EIPR1: variants seen among roughly 807,000 people sequenced by gnomAD.
The protein encoded by EIPR1 is EARP complex and GARP complex interacting protein 1, also known as EARP and GARP complex-interacting protein 1.
A neutral mutation model predicts 48.1 loss-of-function variants in EIPR1; 25 were observed. The observed-to-expected ratio is 0.52, with a 90% CI of 0.38 to 0.73. The LOEUF (loss-of-function observed/expected upper bound fraction) is 0.73, where lower values mean the gene tolerates loss of function less well. EIPR1 is among the 30% of genes least tolerant of loss of function. The pLI is 0.00. For synonymous variants in EIPR1, 204 were observed against 201.9 expected (o/e 1.01, Z -0.09); for missense variants, 415 against 506.2 (o/e 0.82, Z 1.73).
chr2:3,314,106 T>C (rs565940350), intron 3 of EIPR1, among the ~76,000 whole-genome samples: 1 of 152,170 alleles, frequency 6.6e-6, no homozygotes, highest in Non-Finnish European at 1.5e-5. Flanking sequence ...CATATGTCAT[T>C]GGGGCGCCGC....
At chr2:3,351,261 G>A (rs10187852) in intron 2 of EIPR1, among the ~76,000 whole-genome samples, 113,360 of 151,880 alleles carry the variant, frequency 0.75, 42,554 homozygotes, top group African/African-American at 0.84. Flanking sequence ...TTGGCCTCCT[G>A]AAGTGCTGGG....
At chr2:3,366,274 C>T (rs1184265886) in intron 1 of EIPR1, among the ~76,000 whole-genome samples, 1 of 152,168 alleles carries the variant, frequency 6.6e-6, no homozygotes, top group Non-Finnish European at 1.5e-5. Context: ...TACCACTGCA[C>T]TCCAGCCTGG....
In EIPR1 at chr2:3,235,436, A is replaced by G. The variant is rs61419107; in HGVS notation, c.417-21188T>C. ...CATGCGGGTGCGCACACACACACAC[A>G]CACGCGTGCGCGCACACACACACAC... On this transcript the variant is annotated intron_variant, in intron 4 of 8. Transcript: ENST00000382125. Among the ~76,000 whole-genome samples the G allele has an allele frequency of 2.3e-3, 178 of 78,584 alleles. 1 individual carries two copies. The highest frequency in any genetic ancestry group is 4.0e-3 in the African/African-American group (100 of 24,810). The allele number at this position is 78,584 out of a possible 152,430, so 51.6% of individuals were successfully genotyped here. A position where few individuals can be genotyped will look rare whatever the true frequency, so the allele number is the denominator to read the frequency against.
At chr2:3,279,965 A>C (rs1369376594) in intron 3 of EIPR1, among the ~76,000 whole-genome samples, 9 of 152,236 alleles carry the variant, frequency 5.9e-5, no homozygotes, top group African/African-American at 2.2e-4. Context: ...GCAGTTTTGC[A>C]AGTAGCTTTT....
intron 2 of EIPR1, among the ~76,000 whole-genome samples, chr2:3,338,837 A>T (rs1286998575): frequency 2.0e-5 from 3 of 152,336 alleles, no homozygotes; most frequent in South Asian, 2.1e-4. Flanking sequence ...AATTAAAATG[A>T]TTTCACATTT....
intron 1 of EIPR1, among the ~76,000 whole-genome samples, chr2:3,365,936 G>A (rs1399998205): frequency 2.0e-5 from 3 of 150,954 alleles, no homozygotes; most frequent in Non-Finnish European, 3.0e-5. Flanking sequence ...CCCCCCGCCC[G>A]GCCAGCCGCC....
chr2:3,307,903 T>C (rs1158733516), intron 3 of EIPR1, among the ~76,000 whole-genome samples: 2 of 152,232 alleles, frequency 1.3e-5, no homozygotes, highest in Non-Finnish European at 2.9e-5. Flanking sequence ...TGATCCTATT[T>C]GATCATGACC....
At chr2:3,317,421 A>G (rs965091123) in intron 3 of EIPR1, among the ~76,000 whole-genome samples, 1 of 151,394 alleles carries the variant, frequency 6.6e-6, no homozygotes, top group Non-Finnish European at 1.5e-5. Context: ...CGCAGGGTGG[A>G]GCACGGAGCC....
chr2:3,244,449 T>C (rs1480755490), intron 4 of EIPR1, among the ~76,000 whole-genome samples: 1 of 152,226 alleles, frequency 6.6e-6, no homozygotes, highest in Non-Finnish European at 1.5e-5. Context: ...TGCTATGTTC[T>C]TGTTGGAAGC....
At chr2:3,277,695 G>C (rs541597441) in intron 3 of EIPR1, among the ~76,000 whole-genome samples, 2 of 152,326 alleles carry the variant, frequency 1.3e-5, no homozygotes, top group East Asian at 3.9e-4. Flanking sequence ...CATGAGTGGG[G>C]GTCCCTGCCA....
chr2:3,303,735 A>G (rs1668827917), intron 3 of EIPR1, among the ~76,000 whole-genome samples: 1 of 152,168 alleles, frequency 6.6e-6, no homozygotes, highest in Non-Finnish European at 1.5e-5. Flanking sequence ...CCGTGAACAC[A>G]ATAGACGACA....
At chr2:3,367,107 T>A (rs1218744403) in intron 1 of EIPR1, among the ~76,000 whole-genome samples, 2 of 142,706 alleles carry the variant, frequency 1.4e-5, no homozygotes, top group African/African-American at 5.2e-5. Context: ...CTGATGAAAT[T>A]AAAAAAAAAA....
chr2:3,235,429 C>T (rs1666372115), intron 4 of EIPR1, among the ~76,000 whole-genome samples: 1 of 107,210 alleles, frequency 9.3e-6, no homozygotes, highest in South Asian at 3.7e-4. Flanking sequence ...TGCGCACACA[C>T]ACACACACAC....
At chr2:3,354,687 ATTATGAAGTTAGAT>A (rs11269308) in intron 1 of EIPR1, 54 bp from the exon 2 acceptor site, 1,536,860 of 1,551,428 alleles carry the variant, frequency 0.99, 761,317 homozygotes, top group East Asian at 1. Flanking sequence ...TTTAATAGAG[ATTATGAAGTTAGAT>A]TTAAAAAGGC....
chr2:3,348,180 A>T (rs567670207), intron 2 of EIPR1, among the ~76,000 whole-genome samples: 1 of 152,292 alleles, frequency 6.6e-6, no homozygotes, highest in South Asian at 2.1e-4. Context: ...CTTAGCTGAG[A>T]AACTAAGACG....
intron 3 of EIPR1, among the ~76,000 whole-genome samples, chr2:3,309,758 A>T (rs1281121342): frequency 6.6e-6 from 1 of 152,160 alleles, no homozygotes; most frequent in East Asian, 1.9e-4. Flanking sequence ...ATGCTTCCCG[A>T]TGGGAGTGAA....
At chr2:3,324,190 T>C (rs1347589331) in intron 3 of EIPR1, among the ~76,000 whole-genome samples, 1 of 152,156 alleles carries the variant, frequency 6.6e-6, no homozygotes, top group East Asian at 1.9e-4. Flanking sequence ...CCCCAGGCAC[T>C]GCACGAGCGA....
chr2:3,298,422 A>G (rs1272942891), intron 3 of EIPR1: 2 of 152,078 alleles, frequency 1.3e-5, no homozygotes, highest in African/African-American at 4.8e-5. Context: ...GATTACATCT[A>G]TTGCTTCCCC....
At chr2:3,305,024 TGTCCAGTTCAACCCTCCACTCCC>T (rs1558286500) in intron 3 of EIPR1, among the ~76,000 whole-genome samples, 13 of 18,404 alleles carry the variant, frequency 7.1e-4, no homozygotes, top group African/African-American at 1.1e-3. Context: ...CCTCCACTCC[TGTCCAGTTCAACCCTCCACTCCC>T]GTCCAGTTCA....
Sources: allele counts gnomAD v4.1 joint callset (sites outside exome capture counted in the v4.1 genomes callset), GRCh38; gene constraint gnomAD v4.1.1; transcripts MANE v1.5; gene names NCBI Gene and HGNC (gene_info 2026-07-23, HGNC 2026-07-21).